The following FRMD4A variants were observed in gnomAD, a reference collection of about 807,000 sequenced individuals.
FRMD4A encodes the protein FERM domain containing 4A, also known as FERM domain-containing protein 4A.
FRMD4A carries 29 observed loss-of-function variants against 129.1 expected under a neutral mutation model. The observed-to-expected ratio is 0.22, with a 90% confidence interval of 0.17 to 0.31. The LOEUF (loss-of-function observed/expected upper bound fraction) is 0.31, where lower values mean the gene tolerates loss of function less well. Ranked by LOEUF, FRMD4A falls within the 10% of genes least tolerant of loss-of-function variation. The pLI is 1.00. For synonymous variants in FRMD4A, 634 were observed against 571.6 expected (o/e 1.11, Z -1.56); for missense variants, 1,272 against 1,375.8 (o/e 0.92, Z 1.19).
intron 2 of FRMD4A, among the ~76,000 whole-genome samples, chr10:14,147,397 G>A (rs542287756): frequency 3.6e-4 from 55 of 152,298 alleles, no homozygotes; most frequent in South Asian, 1.5e-3. Flanking sequence ...TACTTTTTCC[G>A]TGGACTGGGG....
intron 2 of FRMD4A, among the ~76,000 whole-genome samples, chr10:14,295,220 G>T (rs1845972167): frequency 6.6e-6 from 1 of 152,086 alleles, no homozygotes; most frequent in Admixed American, 6.5e-5. Context: ...AGGTACATGG[G>T]AAAGCCACCT....
chr10:13,657,875 T>G (rs187133571), intron 21 of FRMD4A, among the ~76,000 whole-genome samples: 1 of 151,218 alleles, frequency 6.6e-6, no homozygotes, highest in South Asian at 2.1e-4. Flanking sequence ...GGCTGGGCAC[T>G]GTGGTCCACG....
intron 2 of FRMD4A, among the ~76,000 whole-genome samples, chr10:14,319,274 T>C (rs1194678747): frequency 1.3e-5 from 2 of 151,834 alleles, no homozygotes; most frequent in African/African-American, 4.8e-5. Context: ...TGTAACAAAA[T>C]ACTGAATTTT....
intron 6 of FRMD4A, among the ~76,000 whole-genome samples, chr10:13,763,483 C>G (rs116978662): frequency 1.3e-5 from 2 of 152,106 alleles, no homozygotes; most frequent in Non-Finnish European, 2.9e-5. Flanking sequence ...ACTACCGTAT[C>G]GTCAGCTCAG....
intron 2 of FRMD4A, among the ~76,000 whole-genome samples, chr10:14,166,704 A>G (rs1042722474): frequency 1.3e-5 from 2 of 152,206 alleles, no homozygotes; most frequent in Admixed American, 1.3e-4. Flanking sequence ...ACAGGATAGG[A>G]AAAGGGCAAC....
At chr10:14,072,668 G>A (rs1368321953) in intron 2 of FRMD4A, among the ~76,000 whole-genome samples, 1 of 152,160 alleles carries the variant, frequency 6.6e-6, no homozygotes, top group Non-Finnish European at 1.5e-5. Context: ...CCATTTATCA[G>A]TTATTTTGGG....
intron 11 of FRMD4A, among the ~76,000 whole-genome samples, chr10:13,739,185 A>T (rs762328200): frequency 6.6e-6 from 1 of 152,244 alleles, no homozygotes; most frequent in Non-Finnish European, 1.5e-5. Context: ...GATGAAAGGC[A>T]AAAGAGATAA....
chr10:14,030,638 G>T (rs1411074943), intron 2 of FRMD4A, among the ~76,000 whole-genome samples: 3 of 152,202 alleles, frequency 2.0e-5, no homozygotes, highest in Non-Finnish European at 4.4e-5. Context: ...AGGCTGGCCT[G>T]TCTGCTCCAG....
chr10:13,895,628 G>T (rs569195807), intron 2 of FRMD4A, among the ~76,000 whole-genome samples: 85 of 152,294 alleles, frequency 5.6e-4, no homozygotes, highest in African/African-American at 2.0e-3. Context: ...AGGTCGTGAT[G>T]ACTAAAACAC....
chr10:13,709,501 C>T (rs1439298481), intron 12 of FRMD4A, among the ~76,000 whole-genome samples: 2 of 152,062 alleles, frequency 1.3e-5, no homozygotes, highest in Non-Finnish European at 2.9e-5. Flanking sequence ...TCATTCTTTT[C>T]TTAGATTTCC....
intron 2 of FRMD4A, among the ~76,000 whole-genome samples, chr10:14,057,989 G>C (rs1189618683): frequency 6.6e-6 from 1 of 152,226 alleles, no homozygotes; most frequent in Non-Finnish European, 1.5e-5. Context: ...AATAAAAAGA[G>C]AGCTCTGGTC....
At chr10:13,830,820 C>T (rs527909371) in intron 3 of FRMD4A, among the ~76,000 whole-genome samples, 4 of 152,204 alleles carry the variant, frequency 2.6e-5, no homozygotes, top group East Asian at 1.9e-4. Context: ...GACAGAGTCT[C>T]GCTCTGTCAC....
intron 12 of FRMD4A, among the ~76,000 whole-genome samples, chr10:13,709,161 G>C (rs1184290571): frequency 6.6e-6 from 1 of 152,106 alleles, no homozygotes; most frequent in Non-Finnish European, 1.5e-5. Context: ...ATGGGGTTTT[G>C]CCATGTTGGG....
chr10:13,839,129 G>C (rs2093923909), intron 3 of FRMD4A, among the ~76,000 whole-genome samples: 1 of 150,642 alleles, frequency 6.6e-6, no homozygotes. Context: ...CTTAGTAGCT[G>C]GTACTACAGG....
chr10:14,182,048 C>A (rs12249484), intron 2 of FRMD4A, among the ~76,000 whole-genome samples: 3,614 of 152,276 alleles, frequency 0.024, 136 homozygotes, highest in African/African-American at 0.08. Context: ...ACGACTTGGA[C>A]AAACCACTTT....
At chr10:14,190,272 A>C (rs916766302) in intron 2 of FRMD4A, among the ~76,000 whole-genome samples, 1 of 152,176 alleles carries the variant, frequency 6.6e-6, no homozygotes, top group Non-Finnish European at 1.5e-5. Flanking sequence ...TCATGTTGGT[A>C]GTTCTACCAT....
At chr10:13,729,420 T>C (rs1301607514) in intron 12 of FRMD4A, 1 of 151,996 alleles carries the variant, frequency 6.6e-6, no homozygotes, top group Non-Finnish European at 1.5e-5. Context: ...GAACGATAAA[T>C]CCGCGGCGCA....
chr10:14,321,158 A>T (rs1043955744), intron 2 of FRMD4A, among the ~76,000 whole-genome samples: 1 of 152,154 alleles, frequency 6.6e-6, no homozygotes, highest in Non-Finnish European at 1.5e-5. Context: ...CTATTAAAAC[A>T]GTGTCCAGAA....
At chr10:13,709,958 T>C (rs989520874) in intron 12 of FRMD4A, among the ~76,000 whole-genome samples, 162 of 152,270 alleles carry the variant, frequency 1.1e-3, no homozygotes, top group African/African-American at 3.8e-3. Flanking sequence ...TGGTGATTTA[T>C]GAGATTTTGG....
Sources: allele counts gnomAD v4.1 joint callset (sites outside exome capture counted in the v4.1 genomes callset), GRCh38; gene constraint gnomAD v4.1.1; transcripts MANE v1.5; gene names NCBI Gene and HGNC (gene_info 2026-07-23, HGNC 2026-07-21).